The following AP2A2 variants were observed in gnomAD, a reference collection of about 807,000 sequenced individuals.
AP2A2 encodes the protein AP-2 complex subunit alpha-2.
AP2A2 carries 32 observed loss-of-function variants against 104.2 expected under a neutral mutation model. The observed-to-expected ratio is 0.31, with a 90% CI of 0.23 to 0.41. The LOEUF (loss-of-function observed/expected upper bound fraction) is 0.41, where lower values mean the gene tolerates loss of function less well. Ranked by LOEUF, AP2A2 falls within the 10% of genes least tolerant of loss-of-function variation. AP2A2 has a pLI of 1.00. For synonymous variants in AP2A2, 539 were observed against 533.3 expected (o/e 1.01, Z -0.15); for missense variants, 912 against 1,261.0 (o/e 0.72, Z 4.19).
At chr11:1,010,177 G>A (rs1481229040) in intron 21 of AP2A2, 2 of 474,954 alleles carry the variant, frequency 4.2e-6, no homozygotes, top group South Asian at 3.2e-5. Context: ...CTGTCACCGC[G>A]TTGTTCCTTC....
intron 1 of AP2A2, among the ~76,000 whole-genome samples, chr11:933,281 CAAAA>C (rs1267084617): frequency 6.6e-6 from 1 of 151,302 alleles, no homozygotes; most frequent in African/African-American, 2.5e-5. Flanking sequence ...AACAAACAAA[CAAAA>C]AACCCCAGAA....
chr11:977,673 T>G (rs563884120), intron 5 of AP2A2, among the ~76,000 whole-genome samples: 16 of 151,570 alleles, frequency 1.1e-4, no homozygotes, highest in African/African-American at 3.6e-4. Flanking sequence ...TCAGGTGCTG[T>G]GAGAGGCACG....
chr11:1,009,039 G>A (rs1856308977), intron 18 of AP2A2, 61 bp from the exon 19 acceptor site: 5 of 1,407,688 alleles, frequency 3.6e-6, no homozygotes, highest in East Asian at 2.3e-5. Context: ...CTCTTTCCCG[G>A]TCCCTGGGGC....
intron 6 of AP2A2, among the ~76,000 whole-genome samples, chr11:984,110 G>A (rs1855364980): frequency 6.6e-6 from 1 of 152,170 alleles, no homozygotes. Context: ...GGAAATGCGA[G>A]GTAGTCGTGA....
chr11:971,652 C>T (rs1013973028), intron 3 of AP2A2, among the ~76,000 whole-genome samples: 4 of 152,110 alleles, frequency 2.6e-5, no homozygotes, highest in East Asian at 1.9e-4. Flanking sequence ...AACAGGCAGC[C>T]GGGTTTCTGG....
At position 968,476 on chromosome 11, in the gene AP2A2, ACT is replaced by A. The variant is rs1438357692; in HGVS notation, c.137-1691_137-1690del. 1.3e-5 allele frequency among the ~76,000 whole-genome samples: 2 copies of A among 151,098 alleles called. No individual in the cohort carries two copies. The highest frequency in any genetic ancestry group is 2.4e-5 in the African/African-American group (1 of 41,104). ...CCCGTCCCCATCCCTGTCCCACAAAACTCAGCCCAGTCGGGCCGCTGGTCCTC... is the reference window on the plus strand; with the variant it reads ...CCCGTCCCCATCCCTGTCCCACAAAACAGCCCAGTCGGGCCGCTGGTCCTC... On this transcript the variant is annotated intron_variant, in intron 2 of 21. Transcript: ENST00000448903. The surrounding 1 kb of genome is among the most constrained non-coding windows in gnomAD (Gnocchi z 4.2).
chr11:939,247 CAA>C (rs546835879), intron 1 of AP2A2, among the ~76,000 whole-genome samples: 23 of 51,440 alleles, frequency 4.5e-4, no homozygotes, highest in Admixed American at 6.4e-4. Flanking sequence ...GACTCTGTCT[CAA>C]AAAAAAAAAA....
In AP2A2 at chr11:970,223, T is replaced by A. The variant is rs1854769934; in HGVS notation, c.191T>A (p.Phe64Tyr). Residue 64 changes from phenylalanine to tyrosine, a missense_variant, in exon 3 of 22, where the codon TTC (phenylalanine) becomes TAC (tyrosine). Phe to Tyr is a conservative substitution (Grantham distance 22). Transcript: ENST00000448903. The stretch of plus-strand genomic sequence containing the variant: ...AAAAAGTACGTCTGCAAGTTGCTCT[T>A]CATCTTTCTCCTTGGTCATGACATT... Reference protein sequence around the residue: ...SKKKYVCKLLFIFLLGHDIDF... With the variant: ...SKKKYVCKLLYIFLLGHDIDF... The A allele has an allele frequency of 6.2e-7, 1 of 1,613,932 alleles. No individual in the cohort carries two copies. The highest frequency in any genetic ancestry group is 1.7e-5 in the Admixed American group (1 of 60,010).
rs1190722379 is a variant in AP2A2, at chr11:969,220, CTTTTTTTTTTTTT to C, written c.137-934_137-922del. ...AAACTCCTGGCAATGTAGAACAGCC[CTTTTTTTTTTTTT>C]TTTTTTTTTTTTTTGAGATGGAGTT... On this transcript the variant is annotated intron_variant, in intron 2 of 21. Coordinates refer to ENST00000448903, the MANE Select transcript of AP2A2 (RefSeq NM_012305.4). Among the ~76,000 whole-genome samples, 157 of 48,116 alleles carry C rather than the reference CTTTTTTTTTTTTT, an allele frequency of 3.3e-3. 2 individuals are homozygous for C. Among genetic ancestry groups the C allele is most frequent in the Admixed American group, 8.6e-3 (26 of 3,012 alleles). The allele number at this position is 48,116 out of a possible 152,430, so 31.6% of individuals were successfully genotyped here.
In AP2A2 at chr11:994,097, C is replaced by A. The variant is rs1347716442; in HGVS notation, c.1808C>A (p.Pro603Gln). ...GCGACCGTGCTGGAGGAGATGCCCC[C>A]ATTCCCGGAGCGGGAGTCCTCCATC... is the stretch of plus-strand genomic sequence containing the variant. ...ILATVLEEMP[P>Q]FPERESSILA... The change falls in exon 14 of 22, where the codon CCA becomes CAA. Residue 603 changes from proline to glutamine, a missense_variant. This residue lies in a region of AP2A2 where 137 missense variants were observed against 186.9 expected (regional missense o/e 0.73). Transcript: ENST00000448903. 5 of 1,612,950 alleles carry A rather than the reference C, an allele frequency of 3.1e-6. No homozygotes were observed. The highest frequency in any genetic ancestry group is 3.3e-5 in the Admixed American group (2 of 60,002).
At chr11:956,466 A>C (rs1418934857) in intron 1 of AP2A2, among the ~76,000 whole-genome samples, 1 of 152,242 alleles carries the variant, frequency 6.6e-6, no homozygotes, top group African/African-American at 2.4e-5. Flanking sequence ...AAAAAATAGA[A>C]TAAAAAGTGA....
At chr11:937,063 C>A (rs1016242931) in intron 1 of AP2A2, among the ~76,000 whole-genome samples, 1 of 152,022 alleles carries the variant, frequency 6.6e-6, no homozygotes, top group East Asian at 1.9e-4. Context: ...CTCTGTCGCC[C>A]AGGCTGGAGT....
At chr11:1,004,816 TG>T (rs1856150481) in intron 16 of AP2A2, among the ~76,000 whole-genome samples, 1 of 152,202 alleles carries the variant, frequency 6.6e-6, no homozygotes, top group Admixed American at 6.5e-5. Context: ...TCATTATTTA[TG>T]TATGCATAAA....
intron 16 of AP2A2, among the ~76,000 whole-genome samples, chr11:1,004,955 C>T (rs917075240): frequency 1.3e-5 from 2 of 152,140 alleles, no homozygotes; most frequent in African/African-American, 2.4e-5. Context: ...GATGGAATTA[C>T]TCTGTGACCC....
intron 1 of AP2A2, among the ~76,000 whole-genome samples, chr11:934,947 C>T (rs557396772): frequency 7.9e-5 from 12 of 151,796 alleles, no homozygotes; most frequent in Non-Finnish European, 1.6e-4. Flanking sequence ...CAGCCTCTGT[C>T]TCCTGGGTTC....
chr11:983,249 A>T (rs1362944063), intron 6 of AP2A2, among the ~76,000 whole-genome samples: 2 of 149,346 alleles, frequency 1.3e-5, no homozygotes, highest in African/African-American at 2.5e-5. Context: ...CGAACTCCCG[A>T]CCTCAAGTGA....
chr11:961,527 C>T (rs113839428), intron 2 of AP2A2, among the ~76,000 whole-genome samples: 3 of 140,552 alleles, frequency 2.1e-5, no homozygotes, highest in African/African-American at 5.4e-5. Flanking sequence ...TCGCCACCAC[C>T]AGTGAAAAGT....
At chr11:1,008,623 A>G (rs1359645927) in intron 18 of AP2A2, 3 of 201,562 alleles carry the variant, frequency 1.5e-5, no homozygotes, top group South Asian at 1.2e-4. Context: ...AGTGACTACA[A>G]ATAGCGTGGA....
intron 8 of AP2A2, 45 bp downstream of exon 8, chr11:985,627 C>T: frequency 6.2e-7 from 1 of 1,611,678 alleles, no homozygotes; most frequent in Non-Finnish European, 8.5e-7. Context: ...CGCACACACA[C>T]ACGTTCCTTC....
Sources: gnomAD v4.1 joint callset for allele counts (sites outside exome capture counted in the v4.1 genomes callset) on GRCh38, gnomAD v4.1.1 for gene constraint, gnomAD v4.1.1 regional missense constraint, Gnocchi (gnomAD v3.1) non-coding constraint, MANE v1.5 for transcripts, NCBI Gene and HGNC (gene_info 2026-07-23, HGNC 2026-07-21) for gene names.